The following TSPAN18 variants were observed in gnomAD, a reference collection of about 807,000 sequenced individuals.
TSPAN18 encodes the protein tetraspanin-18.
In TSPAN18, 14 loss-of-function variants were observed where a neutral mutation model predicts 27.3. The observed-to-expected ratio is 0.51, with a 90% CI of 0.34 to 0.80. TSPAN18 has a LOEUF of 0.80. TSPAN18 is among the 30% of genes least tolerant of loss of function. TSPAN18 has a pLI of 0.01. For synonymous variants in TSPAN18, 143 were observed against 136.5 expected, an observed-to-expected ratio of 1.05 and a Z score of -0.33; for missense variants, 268 against 323.9, an observed-to-expected ratio of 0.83 and a Z score of 1.32.
At chr11:44,735,642 G>A (rs1590401567) in intron 1 of TSPAN18, among the ~76,000 whole-genome samples, 3 of 149,448 alleles carry the variant, frequency 2.0e-5, no homozygotes, top group East Asian at 2.0e-4. Flanking sequence ...TTTTTTAGGC[G>A]GAGTCTCGCT....
At chr11:44,815,890 G>T (rs1048554588) in intron 2 of TSPAN18, among the ~76,000 whole-genome samples, 2 of 152,188 alleles carry the variant, frequency 1.3e-5, no homozygotes, top group Non-Finnish European at 1.5e-5. Context: ...ACAAGAGGAG[G>T]CTGGGTGGCT....
At chr11:44,899,210 T>C (rs1256845557) in intron 3 of TSPAN18, among the ~76,000 whole-genome samples, 1 of 152,202 alleles carries the variant, frequency 6.6e-6, no homozygotes, top group African/African-American at 2.4e-5. Flanking sequence ...AGCCCCAGGA[T>C]TTAAAGAATT....
At chr11:44,903,202 G>A (rs577151226) in intron 3 of TSPAN18, among the ~76,000 whole-genome samples, 1 of 152,070 alleles carries the variant, frequency 6.6e-6, no homozygotes, top group Non-Finnish European at 1.5e-5. Flanking sequence ...GGGGCAGGAG[G>A]GGGGAATCAG....
chr11:44,765,942 G>A (rs1400325795), intron 2 of TSPAN18, among the ~76,000 whole-genome samples: 3 of 152,300 alleles, frequency 2.0e-5, no homozygotes, highest in South Asian at 4.1e-4. Context: ...TGGGGAAGAC[G>A]AGGAAGACTT....
At chr11:44,734,428 G>A (rs567340587) in intron 1 of TSPAN18, among the ~76,000 whole-genome samples, 2 of 152,306 alleles carry the variant, frequency 1.3e-5, no homozygotes, top group African/African-American at 4.8e-5. Flanking sequence ...CTGCAAAATG[G>A]CAAGAATATA....
chr11:44,841,365 A>G lies in TSPAN18; in HGVS notation c.-152-18963A>G, dbSNP rs192857198. Among the ~76,000 whole-genome samples the G allele has an allele frequency of 5.3e-5, 8 of 152,202 alleles. No homozygotes were observed. In the East Asian group the frequency reaches 1.4e-3, roughly 26 times the overall value. On this transcript the variant is annotated intron_variant, in intron 2 of 9. Transcript: ENST00000520358. ...AACCCCCATCTCTATTAAAAATACA[A>G]AATTAGCCGAGAGTGGTGATGGGTG...
intron 3 of TSPAN18, among the ~76,000 whole-genome samples, chr11:44,899,644 G>A (rs1232736266): frequency 5.3e-5 from 8 of 152,232 alleles, no homozygotes; most frequent in Non-Finnish European, 1.2e-4. Context: ...TGCTGTATGA[G>A]GGACTGTACC....
At chr11:44,915,143 T>C (rs1183696500) in intron 5 of TSPAN18, among the ~76,000 whole-genome samples, 2 of 152,148 alleles carry the variant, frequency 1.3e-5, no homozygotes, top group African/African-American at 4.8e-5. Flanking sequence ...TGGAAACCAT[T>C]TCTGAGGCTG....
chr11:44,806,674 T>G (rs550845061), intron 2 of TSPAN18, among the ~76,000 whole-genome samples: 54 of 152,366 alleles, frequency 3.5e-4, no homozygotes, highest in African/African-American at 1.3e-3. Flanking sequence ...TGTTCCACTA[T>G]AAAAATCTGT....
intron 3 of TSPAN18, among the ~76,000 whole-genome samples, chr11:44,898,300 C>T (rs1300390309): frequency 2.6e-5 from 4 of 152,218 alleles, no homozygotes; most frequent in Admixed American, 6.5e-5. Flanking sequence ...TTCCCTCTCT[C>T]GGCCTCAGTT....
chr11:44,794,914 A>G lies in TSPAN18; in HGVS notation c.-153+30402A>G, dbSNP rs893541749. On this transcript the variant is annotated intron_variant, in intron 2 of 9. Coordinates refer to ENST00000520358, the MANE Select transcript of TSPAN18 (RefSeq NM_130783.5). ...CTACTCCATAGTAGGTGCTTAATAAATGCTAGTTATTAACATGCATTTTCA... is the reference window on the plus strand; with the variant it reads ...CTACTCCATAGTAGGTGCTTAATAAGTGCTAGTTATTAACATGCATTTTCA... Among the ~76,000 whole-genome samples the G allele has an allele frequency of 5.9e-5, 9 of 152,334 alleles. No individual in the cohort carries two copies. In the East Asian group the frequency reaches 7.7e-4, roughly 13 times the overall value.
intron 2 of TSPAN18, among the ~76,000 whole-genome samples, chr11:44,794,798 G>A (rs2135051908): frequency 6.6e-6 from 1 of 152,296 alleles, no homozygotes; most frequent in East Asian, 1.9e-4. Flanking sequence ...TCTATAAATG[G>A]GCATAATAAT....
intron 4 of TSPAN18, among the ~76,000 whole-genome samples, chr11:44,908,210 C>T (rs944772851): frequency 1.3e-5 from 2 of 152,146 alleles, no homozygotes; most frequent in African/African-American, 2.4e-5. Context: ...CCTACAAATG[C>T]CCCTTGCCCA....
At chr11:44,920,916 G>T (rs1290928017) in intron 8 of TSPAN18, among the ~76,000 whole-genome samples, 1 of 152,224 alleles carries the variant, frequency 6.6e-6, no homozygotes, top group Admixed American at 6.5e-5. Flanking sequence ...TGATTGCTGC[G>T]AAGAAATAAA....
intron 2 of TSPAN18, among the ~76,000 whole-genome samples, chr11:44,774,247 C>A (rs1855753682): frequency 6.6e-6 from 1 of 152,204 alleles, no homozygotes; most frequent in Admixed American, 6.5e-5. Context: ...AACCAAGAGG[C>A]AGGCAGGCAT....
At chr11:44,735,114 TC>T (rs1337726346) in intron 1 of TSPAN18, among the ~76,000 whole-genome samples, 2 of 152,206 alleles carry the variant, frequency 1.3e-5, no homozygotes, top group African/African-American at 4.8e-5. Context: ...GAACACTTGT[TC>T]CTGGGGTCAT....
chr11:44,758,205 C>G (rs921333449), intron 1 of TSPAN18, among the ~76,000 whole-genome samples: 2 of 152,096 alleles, frequency 1.3e-5, no homozygotes, highest in East Asian at 3.8e-4. Context: ...TCATATATGA[C>G]TTTTACTGTT....
At chr11:44,776,739 C>T (rs973796812) in intron 2 of TSPAN18, among the ~76,000 whole-genome samples, 3 of 152,140 alleles carry the variant, frequency 2.0e-5, no homozygotes, top group African/African-American at 7.2e-5. Context: ...GGATAATGAT[C>T]GAAACCTGCC....
At chr11:44,916,767 C>A (rs75462531) in intron 5 of TSPAN18, among the ~76,000 whole-genome samples, 3,234 of 152,190 alleles carry the variant, frequency 0.021, 88 homozygotes, top group African/African-American at 0.064. Flanking sequence ...ACGACTGGGA[C>A]CCCAGAGAGC....
Sources: gnomAD v4.1 joint callset for allele counts (sites outside exome capture counted in the v4.1 genomes callset) on GRCh38, gnomAD v4.1.1 for gene constraint, MANE v1.5 for transcripts, NCBI Gene and HGNC (gene_info 2026-07-23, HGNC 2026-07-21) for gene names.